The following MMP16 variants were observed in gnomAD, a reference collection of about 807,000 sequenced individuals.
MMP16 encodes matrix metalloproteinase-16.
A neutral mutation model predicts 67.8 loss-of-function variants in MMP16; 12 were observed. The ratio of observed to expected loss-of-function variants is 0.18; its 90% CI spans 0.11 to 0.29. The LOEUF (loss-of-function observed/expected upper bound fraction) is 0.29, where lower values mean the gene tolerates loss of function less well. Ranked by LOEUF, MMP16 falls within the 10% of genes least tolerant of loss-of-function variation. The probability of loss-of-function intolerance (pLI) is 1.00; values close to 1 mark genes in which losing one functional copy is unlikely to be tolerated. For synonymous variants in MMP16, 249 were observed against 255.9 expected (o/e 0.97, Z 0.26); for missense variants, 475 against 765.7 (o/e 0.62, Z 4.48).
At chr8:88,049,010 G>A (rs771395433) in intron 8 of MMP16, among the ~76,000 whole-genome samples, 6 of 152,268 alleles carry the variant, frequency 3.9e-5, no homozygotes. Flanking sequence ...TCTTCAACGT[G>A]CACATAGAAA....
chr8:88,199,025 C>T (rs1809300211), intron 1 of MMP16, among the ~76,000 whole-genome samples: 1 of 151,974 alleles, frequency 6.6e-6, no homozygotes, highest in South Asian at 2.1e-4. Flanking sequence ...AACGTTGTAT[C>T]TTGATTTTTA....
Position 88,034,781 on chromosome 8 carries a change from T to C in MMP16, c.*6680A>G, listed in dbSNP as rs557270201. 2.5e-4 allele frequency: 38 copies of C among 152,138 alleles called. No homozygotes were observed. Among genetic ancestry groups the C allele is most frequent in the African/African-American group, 8.9e-4 (37 of 41,560 alleles). 9.4% of individuals were successfully genotyped at this position (152,138 alleles called of 1,614,324 possible). A position where few individuals can be genotyped will look rare whatever the true frequency, so the allele number is the denominator to read the frequency against. On this transcript the variant is annotated 3_prime_UTR_variant, in exon 10 of 10. Transcript: ENST00000286614. ...ACATGCATCCTAGTGACTTTTCAAA[T>C]AGACAGCTCACACCAGGCTTCATTC... is the stretch of plus-strand genomic sequence containing the variant.
At chr8:88,164,963 T>A (rs1808687626) in intron 4 of MMP16, among the ~76,000 whole-genome samples, 1 of 151,856 alleles carries the variant, frequency 6.6e-6, no homozygotes, top group African/African-American at 2.4e-5. Context: ...TAAGCACTGA[T>A]CACACTCAAA....
chr8:88,147,242 G>C (rs1245072684), intron 4 of MMP16, among the ~76,000 whole-genome samples: 1 of 151,594 alleles, frequency 6.6e-6, no homozygotes, highest in Non-Finnish European at 1.5e-5. Context: ...TCTACTATCG[G>C]TTATCCTTGA....
chr8:88,265,283 A>G (rs577600045), intron 1 of MMP16, among the ~76,000 whole-genome samples: 4 of 137,528 alleles, frequency 2.9e-5, no homozygotes, highest in Non-Finnish European at 4.5e-5. Flanking sequence ...AGTTCACAAG[A>G]CCACTAATTT....
intron 1 of MMP16, among the ~76,000 whole-genome samples, chr8:88,232,019 G>C (rs1809867350): frequency 6.6e-6 from 1 of 151,984 alleles, no homozygotes; most frequent in African/African-American, 2.4e-5. Context: ...TCGTTTTCCT[G>C]CATGGACATT....
At chr8:88,323,053 T>A (rs926860528) in intron 1 of MMP16, among the ~76,000 whole-genome samples, 8 of 152,324 alleles carry the variant, frequency 5.3e-5, no homozygotes, top group Admixed American at 3.9e-4. Context: ...ATACAGCCCC[T>A]GTTGTTGACC....
intron 6 of MMP16, among the ~76,000 whole-genome samples, chr8:88,111,652 G>A (rs1310235919): frequency 1.3e-5 from 2 of 151,708 alleles, no homozygotes; most frequent in Non-Finnish European, 2.9e-5. Flanking sequence ...CAGTGCGGTG[G>A]TATGATTTGA....
rs886340771 is a variant in MMP16, at chr8:88,166,107, A to G, written c.709+1562T>C. Among the ~76,000 whole-genome samples the G allele has an allele frequency of 2.0e-5, 3 of 152,064 alleles. No individual in the cohort carries two copies. In the East Asian group the frequency reaches 5.8e-4, roughly 29 times the overall value. ...CAACCTAATTTATCCTATCCAAAACACGAGAGAACCCTGGGTATCCTAAAA... is the reference window on the plus strand; with the variant it reads ...CAACCTAATTTATCCTATCCAAAACGCGAGAGAACCCTGGGTATCCTAAAA... On this transcript the variant is annotated intron_variant, in intron 4 of 9. Transcript: ENST00000286614.
At chr8:88,084,476 A>G (rs1353720283) in intron 6 of MMP16, among the ~76,000 whole-genome samples, 1 of 152,002 alleles carries the variant, frequency 6.6e-6, no homozygotes, top group Non-Finnish European at 1.5e-5. Context: ...GGAAAAAAAA[A>G]GAAAAGAGGC....
At chr8:88,053,920 T>C (rs1808300574) in intron 8 of MMP16, among the ~76,000 whole-genome samples, 1 of 152,170 alleles carries the variant, frequency 6.6e-6, no homozygotes, top group African/African-American at 2.4e-5. Flanking sequence ...ATATATTTTC[T>C]ATATTTGGCA....
chr8:88,246,888 T>A (rs1355364231), intron 1 of MMP16, among the ~76,000 whole-genome samples: 1 of 152,138 alleles, frequency 6.6e-6, no homozygotes, highest in Non-Finnish European at 1.5e-5. Context: ...CAAAAATAAA[T>A]TTTAAACAAT....
At chr8:88,256,351 C>T (rs1468025198) in intron 1 of MMP16, among the ~76,000 whole-genome samples, 2 of 152,078 alleles carry the variant, frequency 1.3e-5, no homozygotes, top group African/African-American at 4.8e-5. Context: ...TTCTCTCTTT[C>T]TGAAATCAAA....
rs530645357 is a variant in MMP16, at chr8:88,267,093, T to C, written c.132+59982A>G. Among the ~76,000 whole-genome samples the C allele has an allele frequency of 9.2e-5, 14 of 152,322 alleles. No homozygotes were observed. The South Asian group carries it at 1.7e-3, about 18-fold the overall frequency. On this transcript the variant is annotated intron_variant, in intron 1 of 9. Transcript: ENST00000286614. ...TTAGTCATTCTCACATTTTGCTACCTGACATCTGCCAATAAATATTAGGAA... is the reference window on the plus strand; with the variant it reads ...TTAGTCATTCTCACATTTTGCTACCCGACATCTGCCAATAAATATTAGGAA...
intron 4 of MMP16, among the ~76,000 whole-genome samples, chr8:88,151,440 C>A (rs1465881196): frequency 1.3e-5 from 2 of 150,780 alleles, no homozygotes; most frequent in East Asian, 3.9e-4. Context: ...ACACCTATTC[C>A]AAAATTGACC....
intron 4 of MMP16, among the ~76,000 whole-genome samples, chr8:88,166,180 G>C (rs895110384): frequency 6.6e-6 from 1 of 151,952 alleles, no homozygotes; most frequent in Non-Finnish European, 1.5e-5. Flanking sequence ...ACCCTCTTAT[G>C]AACAAACAAA....
intron 1 of MMP16, among the ~76,000 whole-genome samples, chr8:88,250,877 C>T (rs561475584): frequency 6.6e-6 from 1 of 151,256 alleles, no homozygotes; most frequent in Admixed American, 6.6e-5. Flanking sequence ...GCTGCACCCA[C>T]TAACTCATCA....
At chr8:88,278,882 T>C (rs1213353131) in intron 1 of MMP16, among the ~76,000 whole-genome samples, 2 of 151,988 alleles carry the variant, frequency 1.3e-5, no homozygotes, top group Admixed American at 6.6e-5. Flanking sequence ...TACATAAAAT[T>C]AAAGAAGTAG....
At chr8:88,229,048 C>G (rs997236606) in intron 1 of MMP16, among the ~76,000 whole-genome samples, 1 of 151,718 alleles carries the variant, frequency 6.6e-6, no homozygotes, top group African/African-American at 2.4e-5. Flanking sequence ...GTAGTACCAG[C>G]TACTCATGAG....
Sources: gnomAD v4.1 joint callset for allele counts (sites outside exome capture counted in the v4.1 genomes callset) on GRCh38, gnomAD v4.1.1 for gene constraint, MANE v1.5 for transcripts, NCBI Gene and HGNC (gene_info 2026-07-23, HGNC 2026-07-21) for gene names.